The following ATP2B3 variants were observed in gnomAD, a reference collection of about 807,000 sequenced individuals.
The protein encoded by ATP2B3 is ATPase plasma membrane Ca2+ transporting 3, also known as plasma membrane calcium-transporting ATPase 3.
ATP2B3 carries 12 observed loss-of-function variants against 70.8 expected under a neutral mutation model. The ratio of observed to expected loss-of-function variants is 0.17; its 90% CI spans 0.11 to 0.27. ATP2B3 has a LOEUF of 0.27. Ranked by LOEUF, ATP2B3 falls within the 10% of genes least tolerant of loss-of-function variation. ATP2B3 has a pLI of 1.00. For synonymous variants in ATP2B3, 460 were observed against 497.8 expected (o/e 0.92, Z 1.01); for missense variants, 858 against 1,118.5 (o/e 0.77, Z 3.32).
At position 153,556,409 on chromosome X, in the gene ATP2B3, C is replaced by G. The variant is rs372585557; in HGVS notation, c.2317C>G (p.Leu773Val). 8.3e-7 allele frequency: 1 copy of G among 1,202,392 alleles called. No individual in the cohort carries two copies. The highest frequency in any genetic ancestry group is 1.1e-6 in the Non-Finnish European group (1 of 891,898). ...GTCGTCTCCCACCGACAAGCACACA[C>G]TGGTCAAAGGTAGCCGAGCCCCCAC... Reference protein sequence around the residue: ...ARSSPTDKHTLVKGIIDSTTG... With the variant: ...ARSSPTDKHTVVKGIIDSTTG... The change falls in exon 15 of 22, where the codon CTG (leucine) becomes GTG (valine). Residue 773 changes from leucine to valine, a missense_variant. By Grantham distance (32) the Leu-to-Val change is conservative (BLOSUM62 1). This residue lies in a region of ATP2B3 where 242 missense variants were observed against 281.3 expected (regional missense o/e 0.86). Coordinates refer to ENST00000263519, the MANE Select transcript of ATP2B3 (RefSeq NM_001001344.3).
At chrX:153,546,613 C>T (rs2090370577) in intron 8 of ATP2B3, among the ~76,000 whole-genome samples, 1 of 113,405 alleles carries the variant, frequency 8.8e-6, no homozygotes, top group Non-Finnish European at 1.9e-5. Flanking sequence ...GGTGCCGACA[C>T]CCTGGGGCCA....
intron 2 of ATP2B3, among the ~76,000 whole-genome samples, chrX:153,524,804 C>T (rs1370822176): frequency 8.9e-6 from 1 of 111,865 alleles, no homozygotes; most frequent in Non-Finnish European, 1.9e-5. Flanking sequence ...CTCAGCAATC[C>T]TAAAGCTTGC....
chrX:153,522,808 G>T (rs2089976879), intron 2 of ATP2B3, among the ~76,000 whole-genome samples: 1 of 111,653 alleles, frequency 9.0e-6, no homozygotes, highest in African/African-American at 3.3e-5. Context: ...GCAAAAACCA[G>T]ATCCGGCCAC....
In ATP2B3 at chrX:153,580,201, G is replaced by A. The variant is rs782246277; in HGVS notation, c.3566G>A (p.Gly1189Asp). The A allele has an allele frequency of 7.6e-5, 90 of 1,187,272 alleles. No homozygotes were observed. In the Admixed American group the frequency reaches 1.9e-3, roughly 25 times the overall value. ...PNQNNNAIDS[G>D]IYLTTHVTKS... ...CAGAACAACAACGCCATAGACAGCG[G>A]CATCTACCTGACCACGCATGTCACC... Residue 1189 changes from glycine to aspartate, a missense_variant, in exon 22 of 22, where the codon GGC becomes GAC. Transcript: ENST00000263519.
chrX:153,560,576 C>T lies in ATP2B3; in HGVS notation c.2840-100C>T, dbSNP rs2090609568. 4.5e-5 allele frequency: 43 copies of T among 951,469 alleles called. No individual in the cohort carries two copies. The South Asian group carries it at 9.1e-4, about 20-fold the overall frequency. 78.4% of individuals were successfully genotyped at this position (951,469 alleles called of 1,213,427 possible). On this transcript the variant is annotated intron_variant, in intron 18 of 21. Coordinates refer to ENST00000263519, the MANE Select transcript of ATP2B3 (RefSeq NM_001001344.3). ...AGCTGGAAGTGGCCATCCCCTGGGACAAGGGACCCATCTCGGGAGCTACAC... is the reference window on the plus strand; with the variant it reads ...AGCTGGAAGTGGCCATCCCCTGGGATAAGGGACCCATCTCGGGAGCTACAC...
rs782070993 is a variant in ATP2B3, at chrX:153,553,065, A to G, written c.1854A>G (p.Glu618=). 8 of 1,207,298 alleles carry G rather than the reference A, an allele frequency of 6.6e-6. No homozygotes were observed. The highest frequency in any genetic ancestry group is 9.0e-6 in the Non-Finnish European group (8 of 891,971). The part of the protein sequence containing the change: ...KCTNILNSNG[E]LRGFRPRDRD... ...CCAACATCTTGAACAGCAATGGCGA[A>G]CTCCGGGGCTTTCGGCCTCGGGACC... The change falls in exon 13 of 22, where the codon GAA becomes GAG. Residue 618 remains glutamate (E), a synonymous_variant. Coordinates refer to ENST00000263519, the MANE Select transcript of ATP2B3 (RefSeq NM_001001344.3).
chrX:153,531,852 G>A (rs782408991), intron 2 of ATP2B3, among the ~76,000 whole-genome samples: 1 of 112,559 alleles, frequency 8.9e-6, no homozygotes, highest in Non-Finnish European at 1.9e-5. Context: ...TCAGGAAAGA[G>A]AATGGCGTGA....
intron 9 of ATP2B3, 39 bp from the exon 10 acceptor site, chrX:153,548,601 C>T (rs782061335): frequency 2.8e-5 from 32 of 1,143,257 alleles, no homozygotes; most frequent in Middle Eastern, 2.7e-4. Context: ...TTCCCTCACC[C>T]GTGGCAACCC....
intron 21 of ATP2B3, among the ~76,000 whole-genome samples, chrX:153,571,401 C>T (rs1309021410): frequency 8.9e-6 from 1 of 112,165 alleles, no homozygotes; most frequent in Non-Finnish European, 1.9e-5. Flanking sequence ...TGTCCATTTG[C>T]CCATTTGTTG....
At chrX:153,523,328 A>G (rs1295698355) in intron 2 of ATP2B3, among the ~76,000 whole-genome samples, 1 of 112,554 alleles carries the variant, frequency 8.9e-6, no homozygotes, top group African/African-American at 3.2e-5. Context: ...TGGCTGAATA[A>G]TATTCTCCCA....
rs782439015 is a variant in ATP2B3 at position 153,549,758 on chromosome X, G to A, written c.1581+19G>A. 10 of 1,201,880 alleles carry A rather than the reference G, an allele frequency of 8.3e-6. No homozygotes were observed. The highest frequency in any genetic ancestry group is 5.3e-5 in the South Asian group (3 of 56,207). On this transcript the variant is annotated intron_variant, in intron 11 of 21. Transcript: ENST00000263519. ...AATACTAGTGAGCTGGGGCAGGAGC[G>A]GGCGGGCAGGGCCGGGGGCAGGAGC... is the stretch of plus-strand genomic sequence containing the variant.
At chrX:153,519,078 C>G (rs2124280432) in intron 2 of ATP2B3, among the ~76,000 whole-genome samples, 1 of 112,059 alleles carries the variant, frequency 8.9e-6, no homozygotes, top group African/African-American at 3.2e-5. Context: ...GCCATTGCCC[C>G]TCACTAGTCA....
intron 3 of ATP2B3, among the ~76,000 whole-genome samples, chrX:153,536,812 G>A (rs2090198806): frequency 2.7e-5 from 3 of 112,411 alleles, no homozygotes; most frequent in African/African-American, 6.5e-5. Flanking sequence ...GGGGATTTCC[G>A]GTGTGCTCAA....
chrX:153,579,903 G>GTTTCC lies in ATP2B3; in HGVS notation c.3343-64_3343-60dup, dbSNP rs2090901627. 7 of 968,607 alleles carry GTTTCC rather than the reference G, an allele frequency of 7.2e-6. No individual in the cohort carries two copies. In the Admixed American group the frequency reaches 1.6e-4, roughly 22 times the overall value. The allele number at this position is 968,607 out of a possible 1,213,427, so 79.8% of individuals were successfully genotyped here. A position where few individuals can be genotyped will look rare whatever the true frequency, so the allele number is the denominator to read the frequency against. Reference sequence around the variant, plus strand: ...TCCTTCCTTCCTACCTTCCTTCCACGTTTCCTTTCCTTTCCCTTCCTTTCC... The same window carrying GTTTCC: ...TCCTTCCTTCCTACCTTCCTTCCACGTTTCCTTTCCTTTCCTTTCCCTTCCTTTCC... On this transcript the variant is annotated intron_variant, in intron 21 of 21. Coordinates refer to ENST00000263519, the MANE Select transcript of ATP2B3 (RefSeq NM_001001344.3).
At chrX:153,569,977 GT>G in intron 21 of ATP2B3, 1 of 416,973 alleles carries the variant, frequency 2.4e-6, no homozygotes, top group Non-Finnish European at 4.1e-6. Flanking sequence ...CGGACCTCCC[GT>G]TCTTTGCTTT....
chrX:153,532,568 G>A (rs1359252102), intron 2 of ATP2B3, among the ~76,000 whole-genome samples: 1 of 112,145 alleles, frequency 8.9e-6, no homozygotes, highest in Non-Finnish European at 1.9e-5. Flanking sequence ...CCTGGAGGCA[G>A]CAGCCAGGGA....
intron 3 of ATP2B3, 136 bp downstream of exon 3, chrX:153,536,591 G>A (rs1487683675): frequency 1.4e-6 from 1 of 693,313 alleles, no homozygotes; most frequent in Non-Finnish European, 2.2e-6. Context: ...TTTCCCTTGA[G>A]GGGGAGATGC....
intron 2 of ATP2B3, among the ~76,000 whole-genome samples, chrX:153,522,569 G>A (rs1556998179): frequency 8.9e-6 from 1 of 111,855 alleles, no homozygotes; most frequent in African/African-American, 3.2e-5. Flanking sequence ...AGCAAATGGA[G>A]ACCCGAGTCC....
intron 7 of ATP2B3, among the ~76,000 whole-genome samples, chrX:153,545,532 G>A (rs782266836): frequency 8.2e-4 from 92 of 112,826 alleles, no homozygotes; most frequent in Non-Finnish European, 1.2e-3. Context: ...TTAACTGGGC[G>A]TGGTGGTGTA....
Sources: gnomAD v4.1 joint callset for allele counts (sites outside exome capture counted in the v4.1 genomes callset) on GRCh38, gnomAD v4.1.1 for gene constraint, gnomAD v4.1.1 regional missense constraint, MANE v1.5 for transcripts, NCBI Gene and HGNC (gene_info 2026-07-23, HGNC 2026-07-21) for gene names.